The following SYN3 variants were observed in gnomAD, a reference collection of about 807,000 sequenced individuals.
SYN3 encodes synapsin III.
A neutral mutation model predicts 65.8 loss-of-function variants in SYN3; 35 were observed. The ratio of observed to expected loss-of-function variants is 0.53; its 90% CI spans 0.41 to 0.70. The LOEUF is 0.70. SYN3 is among the 30% of genes least tolerant of loss of function. SYN3 has a pLI of 0.00. For synonymous variants in SYN3, 270 were observed against 292.9 expected, an observed-to-expected ratio of 0.92 and a Z score of 0.80; for missense variants, 680 against 749.0, an observed-to-expected ratio of 0.91 and a Z score of 1.08.
intron 6 of SYN3, among the ~76,000 whole-genome samples, chr22:32,752,488 C>T (rs574243293): frequency 1.2e-3 from 178 of 152,282 alleles, no homozygotes; most frequent in Non-Finnish European, 2.2e-3. Flanking sequence ...GTCTGAGCTG[C>T]GATTAAATTA....
chr22:32,592,830 C>T (rs889067684), intron 7 of SYN3, among the ~76,000 whole-genome samples: 11 of 152,196 alleles, frequency 7.2e-5, no homozygotes, highest in Admixed American at 2.0e-4. Context: ...TCTCCAATTC[C>T]TTGAGGACAG....
At chr22:32,836,096 C>A (rs903950836) in intron 6 of SYN3, among the ~76,000 whole-genome samples, 3 of 152,186 alleles carry the variant, frequency 2.0e-5, no homozygotes, top group African/African-American at 7.2e-5. Flanking sequence ...TGTGTGACTT[C>A]TGACAAGTTT....
intron 7 of SYN3, among the ~76,000 whole-genome samples, chr22:32,544,323 C>G (rs899529283): frequency 2.0e-5 from 3 of 152,196 alleles, no homozygotes; most frequent in African/African-American, 7.2e-5. Flanking sequence ...ATTCTTTATT[C>G]TTTGGATTAA....
At chr22:32,622,564 G>C (rs1047691916) in intron 6 of SYN3, among the ~76,000 whole-genome samples, 1 of 152,010 alleles carries the variant, frequency 6.6e-6, no homozygotes, top group African/African-American at 2.4e-5. Flanking sequence ...GCTGGCCTCA[G>C]AGGAGAGCAG....
rs1435500752 is a variant in SYN3, at chr22:32,510,426, T to A, written c.*3266A>T. 6.6e-6 allele frequency among the ~76,000 whole-genome samples: 1 copy of A among 152,220 alleles called. No homozygotes were observed. The highest frequency in any genetic ancestry group is 1.5e-5 in the Non-Finnish European group (1 of 68,036). ...CCTATTACCATTCAGTTGTATGTTT[T>A]GAGCTGTCTTTTATTACTAAGTGAA... On this transcript the variant is annotated 3_prime_UTR_variant, in exon 14 of 14. Transcript: ENST00000358763.
chr22:32,773,967 T>C (rs2045841110), intron 6 of SYN3, among the ~76,000 whole-genome samples: 1 of 151,924 alleles, frequency 6.6e-6, no homozygotes, highest in South Asian at 2.1e-4. Flanking sequence ...GGAGGGCTGG[T>C]AGAAGCAAAG....
At position 32,509,034 on chromosome 22, in the gene SYN3, G is replaced by A. The variant is rs918742026; in HGVS notation, c.*4658C>T. Among the ~76,000 whole-genome samples, 1 of 152,188 alleles carries A rather than the reference G, an allele frequency of 6.6e-6. No homozygotes were observed. Among genetic ancestry groups the A allele is most frequent in the Non-Finnish European group, 1.5e-5 (1 of 68,032 alleles). Reference sequence around the variant, plus strand: ...GAATATTAGTTAATTCAGCAGGGACGGAATGTTAGGCTAGAGAATGTAGTA... The same window carrying A: ...GAATATTAGTTAATTCAGCAGGGACAGAATGTTAGGCTAGAGAATGTAGTA... On this transcript the variant is annotated 3_prime_UTR_variant, in exon 14 of 14. Coordinates refer to ENST00000358763, the MANE Select transcript of SYN3 (RefSeq NM_003490.4).
intron 6 of SYN3, among the ~76,000 whole-genome samples, chr22:32,624,213 C>T (rs376832021): frequency 4.6e-5 from 7 of 152,300 alleles, no homozygotes; most frequent in South Asian, 2.1e-4. Context: ...GGGTTTGGAA[C>T]GGTGCCTGTT....
chr22:32,721,749 A>C (rs1012022521), intron 6 of SYN3, among the ~76,000 whole-genome samples: 3 of 152,204 alleles, frequency 2.0e-5, no homozygotes, highest in Non-Finnish European at 4.4e-5. Flanking sequence ...GATGGTAAAC[A>C]ACTGAACAAT....
chr22:32,864,231 C>T (rs1357076548), intron 6 of SYN3, among the ~76,000 whole-genome samples: 1 of 152,168 alleles, frequency 6.6e-6, no homozygotes, highest in African/African-American at 2.4e-5. Context: ...ATTCCTTTGA[C>T]CAGTTTACGA....
intron 4 of SYN3, among the ~76,000 whole-genome samples, chr22:32,905,847 C>T (rs370489861): frequency 6.6e-6 from 1 of 152,206 alleles, no homozygotes; most frequent in Admixed American, 6.5e-5. Flanking sequence ...TCTAAGGGTT[C>T]GTGCCCTTTC....
intron 6 of SYN3, among the ~76,000 whole-genome samples, chr22:32,723,714 G>A (rs886302691): frequency 1.3e-5 from 2 of 152,238 alleles, no homozygotes; most frequent in African/African-American, 4.8e-5. Context: ...GGAGTCATTC[G>A]GCAAAACCTC....
chr22:32,571,316 G>C (rs1428967074), intron 7 of SYN3, among the ~76,000 whole-genome samples: 1 of 152,016 alleles, frequency 6.6e-6, no homozygotes. Context: ...TAGGCAGCGG[G>C]AGTGGCTGGC....
At position 32,631,511 on chromosome 22, in the gene SYN3, T is replaced by G. The variant is rs578137211; in HGVS notation, c.712-34775A>C. Among the ~76,000 whole-genome samples, 3 of 152,254 alleles carry G rather than the reference T, an allele frequency of 2.0e-5. No individual in the cohort carries two copies. In the South Asian group the frequency reaches 6.2e-4, roughly 32 times the overall value. ...AGAAGGAAAGAAAAATAAATTCACC[T>G]GGAGTCAAGTAATTTCACAGATCTT... On this transcript the variant is annotated intron_variant, in intron 6 of 13. Coordinates refer to ENST00000358763, the MANE Select transcript of SYN3 (RefSeq NM_003490.4).
intron 4 of SYN3, among the ~76,000 whole-genome samples, chr22:32,873,411 G>A (rs1348132617): frequency 6.6e-6 from 1 of 152,174 alleles, no homozygotes; most frequent in African/African-American, 2.4e-5. Flanking sequence ...CTTAAAAGCT[G>A]AGGTTGTCAA....
chr22:32,977,354 C>G (rs1208482206), intron 3 of SYN3, among the ~76,000 whole-genome samples: 1 of 152,158 alleles, frequency 6.6e-6, no homozygotes, highest in African/African-American at 2.4e-5. Flanking sequence ...AAAATTAAAA[C>G]ATGCCCCTGG....
At chr22:32,848,227 A>T (rs1486484603) in intron 6 of SYN3, among the ~76,000 whole-genome samples, 1 of 152,146 alleles carries the variant, frequency 6.6e-6, no homozygotes, top group African/African-American at 2.4e-5. Flanking sequence ...TCAGCCCTCA[A>T]CCCACTGGGT....
chr22:32,633,027 C>T (rs918530563), intron 6 of SYN3, among the ~76,000 whole-genome samples: 3 of 152,208 alleles, frequency 2.0e-5, no homozygotes, highest in African/African-American at 7.2e-5. Flanking sequence ...CCTTCACATA[C>T]AGGCTCATGA....
chr22:32,739,882 A>G (rs1361617794), intron 6 of SYN3, among the ~76,000 whole-genome samples: 1 of 152,214 alleles, frequency 6.6e-6, no homozygotes, highest in Non-Finnish European at 1.5e-5. Flanking sequence ...GCTATGAGCC[A>G]CGTCAAGCCC....
Sources: gnomAD v4.1 joint callset for allele counts (sites outside exome capture counted in the v4.1 genomes callset) on GRCh38, gnomAD v4.1.1 for gene constraint, MANE v1.5 for transcripts, NCBI Gene and HGNC (gene_info 2026-07-23, HGNC 2026-07-21) for gene names.